Variants in ATOSA observed in about 807,000 individuals in gnomAD.
ATOSA encodes the protein atos homolog A, also known as atos homolog protein A.
At chr15:52,700,321 G>T in the ATOSA span, among the ~76,000 whole-genome samples, 1 of 152,094 alleles carries the variant, frequency 6.6e-6, no homozygotes, top group East Asian at 1.9e-4. Flanking sequence ...CCCCTCTCTA[G>T]GTTTGTAAGA....
chr15:52,705,333 C>T, the ATOSA span, among the ~76,000 whole-genome samples: 1 of 150,350 alleles, frequency 6.7e-6, no homozygotes, highest in East Asian at 2.0e-4. Context: ...GGCAGGGGAA[C>T]ATCACACACT....
chr15:52,629,054 C>G, the ATOSA span, among the ~76,000 whole-genome samples: 1 of 152,268 alleles, frequency 6.6e-6, no homozygotes, highest in South Asian at 2.1e-4. Context: ...TTACAGAAAG[C>G]CTTCAATCTA....
chr15:52,652,027 G>A, the ATOSA span: 39 of 1,501,484 alleles, frequency 2.6e-5, no homozygotes, highest in South Asian at 4.6e-4. Flanking sequence ...TGCTGATCCC[G>A]CTTCCCTCCG....
At chr15:52,679,763 TCC>T in the ATOSA span, among the ~76,000 whole-genome samples, 1 of 11,822 alleles carries the variant, frequency 8.5e-5, no homozygotes, top group Non-Finnish European at 2.8e-4. Context: ...CGTCTCCTCC[TCC>T]TCCTCCTCCT....
the ATOSA span, among the ~76,000 whole-genome samples, chr15:52,614,800 A>T: frequency 5.3e-4 from 81 of 152,052 alleles, no homozygotes; most frequent in Non-Finnish European, 7.9e-4. Context: ...GTGAGCCAAG[A>T]TCACCCCATT....
the ATOSA span, among the ~76,000 whole-genome samples, chr15:52,667,550 G>A: frequency 2.6e-5 from 4 of 152,208 alleles, no homozygotes; most frequent in African/African-American, 4.8e-5. Flanking sequence ...TGGTATGGCC[G>A]TAAATGTTTA....
the ATOSA span, among the ~76,000 whole-genome samples, chr15:52,684,527 A>T: frequency 6.6e-6 from 1 of 152,232 alleles, no homozygotes; most frequent in African/African-American, 2.4e-5. Flanking sequence ...ACACTGCAAG[A>T]TCCTGTTACT....
the ATOSA span, chr15:52,593,707 A>C: frequency 6.4e-7 from 1 of 1,556,478 alleles, no homozygotes; most frequent in Non-Finnish European, 8.7e-7. Flanking sequence ...CAATGCCGAG[A>C]GGATCGAAAC....
At chr15:52,609,944 C>G in the ATOSA span, 1 of 1,611,900 alleles carries the variant, frequency 6.2e-7, no homozygotes, top group South Asian at 1.1e-5. Flanking sequence ...TTTATATCAC[C>G]TATACCACTA....
At chr15:52,635,682 T>C in the ATOSA span, among the ~76,000 whole-genome samples, 1 of 151,656 alleles carries the variant, frequency 6.6e-6, no homozygotes. Context: ...GGCAACACAG[T>C]GAGATCCTAT....
chr15:52,639,548 G>T, the ATOSA span, among the ~76,000 whole-genome samples: 1 of 152,158 alleles, frequency 6.6e-6, no homozygotes, highest in African/African-American at 2.4e-5. Flanking sequence ...GCAATTTAGT[G>T]CCAGTCAGGT....
the ATOSA span, among the ~76,000 whole-genome samples, chr15:52,622,335 A>G: frequency 2.6e-5 from 4 of 152,218 alleles, no homozygotes; most frequent in Admixed American, 2.6e-4. Context: ...TCCATATGAG[A>G]AACACATGGT....
chr15:52,688,488 C>T, the ATOSA span, among the ~76,000 whole-genome samples: 1 of 152,106 alleles, frequency 6.6e-6, no homozygotes. Flanking sequence ...CCATCCTCCT[C>T]AGAATAGTTG....
the ATOSA span, among the ~76,000 whole-genome samples, chr15:52,637,723 T>TA: frequency 6.6e-6 from 1 of 152,184 alleles, no homozygotes; most frequent in Admixed American, 6.5e-5. Flanking sequence ...CCCAAACTCT[T>TA]ACATTTTTTA....
At chr15:52,640,571 C>CAAAAAAA in the ATOSA span, among the ~76,000 whole-genome samples, 102 of 27,572 alleles carry the variant, frequency 3.7e-3, 20 homozygotes, top group East Asian at 0.034. Context: ...ACTCAAGTCT[C>CAAAAAAA]AAAAAAAAAA....
chr15:52,605,128 C>G, the ATOSA span: 1 of 1,593,124 alleles, frequency 6.3e-7, no homozygotes, highest in Non-Finnish European at 8.6e-7. Flanking sequence ...AAAAAAAATG[C>G]TTACAGGGCT....
At chr15:52,600,281 T>G in the ATOSA span, 2 of 464,954 alleles carry the variant, frequency 4.3e-6, no homozygotes, top group African/African-American at 1.0e-4. Context: ...GCCACAATAC[T>G]TTTTTTTTTA....
At chr15:52,668,936 C>G in the ATOSA span, among the ~76,000 whole-genome samples, 1 of 149,704 alleles carries the variant, frequency 6.7e-6, no homozygotes, top group Non-Finnish European at 1.5e-5. Flanking sequence ...GACGGAGACT[C>G]ACTCTGTCAC....
chr15:52,691,354 C>A, the ATOSA span, among the ~76,000 whole-genome samples: 7 of 152,118 alleles, frequency 4.6e-5, no homozygotes, highest in African/African-American at 1.7e-4. Flanking sequence ...AAATAGGTTG[C>A]AGTTTAAATA....
Sources: allele counts gnomAD v4.1 joint callset (sites outside exome capture counted in the v4.1 genomes callset), GRCh38; gene constraint gnomAD v4.1.1; transcripts MANE v1.5; gene names NCBI Gene and HGNC (gene_info 2026-07-23, HGNC 2026-07-21).